NTRK2: variants seen among roughly 807,000 people sequenced by gnomAD.
NTRK2 encodes BDNF/NT-3 growth factors receptor.
NTRK2 carries 13 observed loss-of-function variants against 94.5 expected under a neutral mutation model. That is an observed-to-expected ratio of 0.14 (90% confidence interval 0.09 to 0.22). The LOEUF is 0.22. Ranked by LOEUF, NTRK2 falls within the 10% of genes least tolerant of loss-of-function variation. NTRK2 has a pLI of 1.00. For missense variants in NTRK2, 639 were observed against 1,071.2 expected (o/e 0.60, Z 5.63); for synonymous variants, 372 against 407.4 (o/e 0.91, Z 1.05).
At chr9:84,772,133 A>T (rs568943882) in intron 12 of NTRK2, among the ~76,000 whole-genome samples, 2 of 152,316 alleles carry the variant, frequency 1.3e-5, no homozygotes, top group South Asian at 4.1e-4. Flanking sequence ...GGTTAATAAG[A>T]TACTGCCCAG....
chr9:84,851,538 C>A (rs1161261703), intron 12 of NTRK2, among the ~76,000 whole-genome samples: 1 of 152,072 alleles, frequency 6.6e-6, no homozygotes, highest in Non-Finnish European at 1.5e-5. Flanking sequence ...CACAGTAATA[C>A]AATTAAATAA....
chr9:84,689,716 C>T (rs2059930980), intron 2 of NTRK2, among the ~76,000 whole-genome samples: 1 of 152,102 alleles, frequency 6.6e-6, no homozygotes, highest in Non-Finnish European at 1.5e-5. Context: ...CCATCACCAC[C>T]ATCCATTTCC....
At chr9:84,737,600 G>T (rs1357823253) in intron 9 of NTRK2, among the ~76,000 whole-genome samples, 1 of 152,196 alleles carries the variant, frequency 6.6e-6, no homozygotes, top group Non-Finnish European at 1.5e-5. Flanking sequence ...TTTGTCAGGA[G>T]TGCGGCTGTG....
chr9:84,846,092 T>A (rs1287724671), intron 12 of NTRK2, among the ~76,000 whole-genome samples: 1 of 152,192 alleles, frequency 6.6e-6, no homozygotes, highest in Non-Finnish European at 1.5e-5. Flanking sequence ...CATACAAGCC[T>A]CCATTTCATT....
intron 17 of NTRK2, among the ~76,000 whole-genome samples, chr9:84,973,223 A>G (rs1446861117): frequency 6.6e-6 from 1 of 152,216 alleles, no homozygotes; most frequent in African/African-American, 2.4e-5. Flanking sequence ...TAGTTAAGAG[A>G]AAAAGGGGAA....
intron 17 of NTRK2, among the ~76,000 whole-genome samples, chr9:84,994,076 A>G (rs887607395): frequency 6.6e-6 from 1 of 152,182 alleles, no homozygotes; most frequent in Non-Finnish European, 1.5e-5. Context: ...TCCTTTAGCC[A>G]CTAAAGGGTT....
chr9:84,935,745 T>C (rs2078192538), intron 15 of NTRK2, among the ~76,000 whole-genome samples: 1 of 152,222 alleles, frequency 6.6e-6, no homozygotes, highest in Non-Finnish European at 1.5e-5. Context: ...CTTTTGCTAT[T>C]ACTTCCTCTT....
chr9:84,763,259 G>A (rs1417066513), intron 12 of NTRK2, among the ~76,000 whole-genome samples: 9 of 152,068 alleles, frequency 5.9e-5, no homozygotes, highest in Non-Finnish European at 1.3e-4. Context: ...GAAACTCTAA[G>A]TCTGAGTCAG....
intron 12 of NTRK2, among the ~76,000 whole-genome samples, chr9:84,855,397 G>A (rs779586762): frequency 1.5e-4 from 23 of 152,040 alleles, no homozygotes; most frequent in Non-Finnish European, 2.9e-4. Context: ...TTATGTCTTC[G>A]TCTCTGTGGG....
chr9:84,795,408 T>C (rs2069193665), intron 12 of NTRK2, among the ~76,000 whole-genome samples: 1 of 152,156 alleles, frequency 6.6e-6, no homozygotes, highest in African/African-American at 2.4e-5. Context: ...AGAGGAACTA[T>C]GGATGTTCTA....
intron 14 of NTRK2, chr9:84,873,924 CTG>C (rs2075967895): frequency 9.4e-7 from 1 of 1,062,894 alleles, no homozygotes; most frequent in African/African-American, 1.6e-5. Context: ...ATTCTGAAGA[CTG>C]TGTTTACTCC....
At chr9:84,850,246 C>T (rs2074695262) in intron 12 of NTRK2, among the ~76,000 whole-genome samples, 1 of 151,810 alleles carries the variant, frequency 6.6e-6, no homozygotes, top group South Asian at 2.1e-4. Flanking sequence ...AAACATCAAA[C>T]GCAAAGACAC....
At chr9:84,809,647 C>T (rs188998713) in intron 12 of NTRK2, among the ~76,000 whole-genome samples, 12 of 151,040 alleles carry the variant, frequency 7.9e-5, no homozygotes, top group African/African-American at 2.4e-4. Context: ...TTTGGGAGGC[C>T]GAGGTGGGTA....
chr9:84,963,755 G>A (rs1300946324), intron 17 of NTRK2, among the ~76,000 whole-genome samples: 1 of 152,164 alleles, frequency 6.6e-6, no homozygotes, highest in South Asian at 2.1e-4. Flanking sequence ...ACTGTCTCAT[G>A]ACTCACTGAG....
At chr9:84,810,584 A>G in intron 12 of NTRK2, 1 of 1,613,974 alleles carries the variant, frequency 6.2e-7, no homozygotes, top group Non-Finnish European at 8.5e-7. Context: ...GGGTAGCTGA[A>G]ATAAAGGAAA....
intron 8 of NTRK2, among the ~76,000 whole-genome samples, chr9:84,726,681 G>C (rs965997669): frequency 1.3e-5 from 2 of 152,148 alleles, no homozygotes; most frequent in African/African-American, 4.8e-5. Flanking sequence ...CAAGATTCTT[G>C]TTCCAGATCT....
At chr9:84,694,704 A>G (rs2060254667) in intron 2 of NTRK2, among the ~76,000 whole-genome samples, 1 of 152,222 alleles carries the variant, frequency 6.6e-6, no homozygotes, top group African/African-American at 2.4e-5. Context: ...GAGCAGAGAG[A>G]ATCCTGTCAT....
At chr9:84,810,948 A>C in intron 12 of NTRK2, 1 of 1,140,330 alleles carries the variant, frequency 8.8e-7, no homozygotes, top group Non-Finnish European at 1.1e-6. Flanking sequence ...TATTGACTTA[A>C]TTGCTTCTGT....
At chr9:84,812,296 C>A (rs968079328) in intron 12 of NTRK2, 1 of 1,057,034 alleles carries the variant, frequency 9.5e-7, no homozygotes, top group East Asian at 5.2e-5. Context: ...TGATGAAGAC[C>A]TTTCACAGAA....
Sources: gnomAD v4.1 joint callset for allele counts (sites outside exome capture counted in the v4.1 genomes callset) on GRCh38, gnomAD v4.1.1 for gene constraint, MANE v1.5 for transcripts, NCBI Gene and HGNC (gene_info 2026-07-23, HGNC 2026-07-21) for gene names.